PCDH9: variants seen among roughly 807,000 people sequenced by gnomAD.
The protein encoded by PCDH9 is protocadherin 9.
A neutral mutation model predicts 70.6 loss-of-function variants in PCDH9; 24 were observed. The ratio of observed to expected loss-of-function variants is 0.34; its 90% CI spans 0.25 to 0.48. The LOEUF is 0.48. Ranked by LOEUF, PCDH9 falls within the 20% of genes least tolerant of loss-of-function variation. The pLI is 0.99. For missense variants in PCDH9, 1,281 were observed against 1,503.6 expected, an observed-to-expected ratio of 0.85 and a Z score of 2.45; for synonymous variants, 562 against 558.5, an observed-to-expected ratio of 1.01 and a Z score of -0.09.
chr13:66,836,598 T>C (rs2081023882), intron 3 of PCDH9, among the ~76,000 whole-genome samples: 1 of 152,168 alleles, frequency 6.6e-6, no homozygotes, highest in Non-Finnish European at 1.5e-5. Context: ...GCAGTAATTT[T>C]TACTTTTAAT....
At chr13:66,320,136 A>G (rs991694559) in intron 4 of PCDH9, among the ~76,000 whole-genome samples, 3 of 152,144 alleles carry the variant, frequency 2.0e-5, no homozygotes, top group Non-Finnish European at 2.9e-5. Flanking sequence ...TGTGCTTTAT[A>G]TATTTAACAA....
chr13:66,912,882 T>C (rs1282601985), intron 2 of PCDH9, among the ~76,000 whole-genome samples: 3 of 152,088 alleles, frequency 2.0e-5, no homozygotes, highest in Admixed American at 6.6e-5. Context: ...GAGAGGAGTT[T>C]TAAAAGCCTA....
At chr13:66,482,641 G>A (rs1351466393) in intron 4 of PCDH9, among the ~76,000 whole-genome samples, 1 of 152,190 alleles carries the variant, frequency 6.6e-6, no homozygotes, top group Non-Finnish European at 1.5e-5. Context: ...AGAGCTGTTG[G>A]TTGGACAACT....
chr13:67,027,083 C>A (rs535879938), intron 2 of PCDH9, among the ~76,000 whole-genome samples: 9 of 151,982 alleles, frequency 5.9e-5, no homozygotes, highest in African/African-American at 1.9e-4. Context: ...TCATATGGAA[C>A]CAAAAAAGAG....
intron 4 of PCDH9, among the ~76,000 whole-genome samples, chr13:66,404,045 T>C (rs1957235447): frequency 6.6e-6 from 1 of 152,164 alleles, no homozygotes; most frequent in Non-Finnish European, 1.5e-5. Context: ...CTAATACAGC[T>C]TAAATTTGGC....
chr13:66,713,761 C>A (rs1212791688), intron 3 of PCDH9, among the ~76,000 whole-genome samples: 1 of 151,404 alleles, frequency 6.6e-6, no homozygotes, highest in African/African-American at 2.4e-5. Context: ...GTAAGACCAA[C>A]CCCTCTTACT....
intron 2 of PCDH9, among the ~76,000 whole-genome samples, chr13:67,200,742 G>A (rs1271421911): frequency 1.3e-5 from 2 of 152,056 alleles, no homozygotes; most frequent in Admixed American, 6.6e-5. Flanking sequence ...ACATTTCGAT[G>A]CTGAAGAGTG....
At chr13:67,008,946 T>G (rs147564169) in intron 2 of PCDH9, among the ~76,000 whole-genome samples, 2 of 152,180 alleles carry the variant, frequency 1.3e-5, no homozygotes, top group Non-Finnish European at 2.9e-5. Context: ...TTATCACTTA[T>G]TAAACACATT....
chr13:67,106,437 A>C (rs992272562), intron 2 of PCDH9, among the ~76,000 whole-genome samples: 5 of 152,258 alleles, frequency 3.3e-5, no homozygotes, highest in African/African-American at 1.2e-4. Flanking sequence ...CAAAGGATTA[A>C]ATCATCTTTA....
At chr13:66,620,902 C>A (rs901576572) in intron 4 of PCDH9, among the ~76,000 whole-genome samples, 1 of 152,234 alleles carries the variant, frequency 6.6e-6, no homozygotes, top group African/African-American at 2.4e-5. Flanking sequence ...GTTTTAATGT[C>A]TATCCCCCAA....
At chr13:66,674,975 A>G (rs75671764) in intron 3 of PCDH9, among the ~76,000 whole-genome samples, 3,274 of 152,176 alleles carry the variant, frequency 0.022, 89 homozygotes, top group African/African-American at 0.061. Flanking sequence ...AGTCCTCATA[A>G]TCTTTTAATT....
intron 2 of PCDH9, chr13:67,213,231 A>C (rs1476009570): frequency 9.6e-6 from 1 of 104,448 alleles, no homozygotes; most frequent in African/African-American, 3.2e-5. Flanking sequence ...AAAAAAAAAA[A>C]AAAAAAAGAA....
intron 4 of PCDH9, among the ~76,000 whole-genome samples, chr13:66,488,424 T>A (rs1958980912): frequency 6.6e-6 from 1 of 152,196 alleles, no homozygotes; most frequent in Non-Finnish European, 1.5e-5. Context: ...TCAAATGCAA[T>A]TGGTATTACA....
At chr13:67,004,932 G>T (rs2084321353) in intron 2 of PCDH9, among the ~76,000 whole-genome samples, 1 of 152,064 alleles carries the variant, frequency 6.6e-6, no homozygotes, top group Non-Finnish European at 1.5e-5. Flanking sequence ...CTCTAAGGAA[G>T]AAAGGGGACT....
intron 4 of PCDH9, among the ~76,000 whole-genome samples, chr13:66,328,750 A>G (rs929519788): frequency 2.0e-5 from 3 of 152,178 alleles, no homozygotes; most frequent in Non-Finnish European, 2.9e-5. Flanking sequence ...TAGTGTTTCA[A>G]TATGATTTCT....
At chr13:66,442,095 G>A (rs752538706) in intron 4 of PCDH9, among the ~76,000 whole-genome samples, 16 of 152,114 alleles carry the variant, frequency 1.1e-4, no homozygotes, top group Non-Finnish European at 1.9e-4. Flanking sequence ...AAAGGGATGG[G>A]GAGGATTCTA....
chr13:66,759,055 C>T (rs2079581391), intron 3 of PCDH9, among the ~76,000 whole-genome samples: 1 of 151,670 alleles, frequency 6.6e-6, no homozygotes, highest in Non-Finnish European at 1.5e-5. Flanking sequence ...TAGTTGACCT[C>T]CTCAAAAAGC....
chr13:66,663,777 T>C (rs1948840708), intron 3 of PCDH9, among the ~76,000 whole-genome samples: 1 of 152,204 alleles, frequency 6.6e-6, no homozygotes, highest in African/African-American at 2.4e-5. Context: ...TTTCCTCTTG[T>C]GAATTAGAGA....
In PCDH9 at chr13:67,226,629, A is replaced by C; in HGVS notation, c.1812T>G (p.Asn604Lys). The C allele has an allele frequency of 6.2e-7, 1 of 1,614,136 alleles. No individual in the cohort carries two copies. Among genetic ancestry groups the C allele is most frequent in the Non-Finnish European group, 8.5e-7 (1 of 1,179,982 alleles). Reference sequence around the variant, plus strand: ...TTAGAATGGAAAGAGTCACAGCTTTATTCTCTCCAGCATCTGCATCTGTCA... The same window carrying C: ...TTAGAATGGAAAGAGTCACAGCTTTCTTCTCTCCAGCATCTGCATCTGTCA... ...ITVTDADAGE[N>K]KAVTLSILND... is the part of the protein sequence containing the mutation. The change falls in exon 2 of 5, where the codon AAT (asparagine) becomes AAG (lysine). Residue 604 changes from asparagine (N) to lysine (K), a missense_variant. By Grantham distance (94) the Asn-to-Lys change is moderately conservative. Around this residue, in one of 4 missense-constraint regions of PCDH9, gnomAD observed 798 missense variants for 1,003.1 expected, o/e 0.80. Transcript: ENST00000377865. The surrounding 1 kb of genome is among the most constrained non-coding windows in gnomAD (Gnocchi z 5.0).
Sources: gnomAD v4.1 joint callset for allele counts (sites outside exome capture counted in the v4.1 genomes callset) on GRCh38, gnomAD v4.1.1 for gene constraint, gnomAD v4.1.1 regional missense constraint, Gnocchi (gnomAD v3.1) non-coding constraint, MANE v1.5 for transcripts, NCBI Gene and HGNC (gene_info 2026-07-23, HGNC 2026-07-21) for gene names.